MAF: variants seen among roughly 807,000 people sequenced by gnomAD.
MAF encodes the protein MAF bZIP transcription factor, also known as transcription factor Maf.
Under a neutral mutation model 22.0 loss-of-function variants are expected in MAF, and 10 were observed. That is an observed-to-expected ratio of 0.45 (90% CI 0.28 to 0.77). The LOEUF is 0.77. Among genes scored for constraint, MAF ranks in the 30% least tolerant of loss-of-function variants. The probability of loss-of-function intolerance (pLI) is 0.12; values close to 1 mark genes in which losing one functional copy is unlikely to be tolerated. For synonymous variants in MAF, 337 were observed against 255.8 expected (o/e 1.32, Z -3.03); for missense variants, 544 against 548.4 (o/e 0.99, Z 0.08).
the MAF span, among the ~76,000 whole-genome samples, chr16:79,533,557 G>C: frequency 1.3e-5 from 2 of 152,220 alleles, no homozygotes; most frequent in South Asian, 2.1e-4. Flanking sequence ...CAGGGGGAGG[G>C]GGAATGGAAA....
At chr16:79,457,247 A>T in the MAF span, among the ~76,000 whole-genome samples, 1 of 152,198 alleles carries the variant, frequency 6.6e-6, no homozygotes. Context: ...CCATAGGTTG[A>T]CATGGCTGCC....
At position 79,594,436 on chromosome 16, in the gene MAF, T is replaced by C. The variant is rs1243623246; in HGVS notation, c.*24A>G. On this transcript the variant is annotated 3_prime_UTR_variant, in exon 2 of 2. Coordinates refer to ENST00000326043, the MANE Select transcript of MAF (RefSeq NM_005360.5). ...TAATAATAATAATGATGATTTTTTT[T>C]AATGTACAGCTCTCACACAAATTTC... is the stretch of plus-strand genomic sequence containing the variant. 6.5e-7 allele frequency: 1 copy of C among 1,546,518 alleles called. No homozygotes were observed. The highest frequency in any genetic ancestry group is 8.8e-7 in the Non-Finnish European group (1 of 1,142,160).
chr16:79,459,051 C>G, the MAF span, among the ~76,000 whole-genome samples: 1 of 152,232 alleles, frequency 6.6e-6, no homozygotes, highest in African/African-American at 2.4e-5. Flanking sequence ...ATTTACTGAG[C>G]TAAGTGCTTC....
chr16:79,475,894 GT>G, the MAF span, among the ~76,000 whole-genome samples: 2 of 152,180 alleles, frequency 1.3e-5, no homozygotes, highest in Non-Finnish European at 2.9e-5. Flanking sequence ...TTTCCCTTGA[GT>G]GGGGTCAGGG....
At chr16:79,209,499 C>A in the MAF span, among the ~76,000 whole-genome samples, 1 of 152,158 alleles carries the variant, frequency 6.6e-6, no homozygotes, top group Admixed American at 6.5e-5. Context: ...AATAGTATAA[C>A]CATTGTGGCA....
At chr16:79,587,163 T>A (rs996443142) in intron 1 of MAF, among the ~76,000 whole-genome samples, 1 of 152,254 alleles carries the variant, frequency 6.6e-6, no homozygotes, top group South Asian at 2.1e-4. Context: ...CTTGTATCTG[T>A]CAAAGTTGCC....
chr16:79,598,787 G>A lies in MAF; in HGVS notation c.1116C>T (p.Phe372=), dbSNP rs770334288. Residue 372 remains phenylalanine, a splice_region_variant and synonymous_variant, in exon 1 of 2, where the codon TTC becomes TTT. Transcript: ENST00000326043. ...CTGGAATCGCGTGTCAGACTCACAT[G>A]AAAAACTCGGGAGAGGACGGGTTGT... ...SSDNPSSPEF[F]ITEPTRKLEP... is the part of the protein sequence containing the mutation. The A allele has an allele frequency of 8.1e-6, 13 of 1,613,736 alleles. No individual in the cohort carries two copies. Among genetic ancestry groups the A allele is most frequent in the Non-Finnish European group, 8.5e-7 (1 of 1,179,992 alleles).
At chr16:79,410,651 G>C in the MAF span, among the ~76,000 whole-genome samples, 3 of 152,204 alleles carry the variant, frequency 2.0e-5, no homozygotes, top group African/African-American at 7.2e-5. Context: ...CTGTGACATG[G>C]GATGAGGGCA....
At chr16:79,570,030 T>G in the MAF span, among the ~76,000 whole-genome samples, 4 of 121,096 alleles carry the variant, frequency 3.3e-5, no homozygotes, top group Admixed American at 8.5e-5. Flanking sequence ...TTTTTTTTTT[T>G]GGATCTTTCT....
At chr16:79,423,270 G>A in the MAF span, among the ~76,000 whole-genome samples, 1 of 152,140 alleles carries the variant, frequency 6.6e-6, no homozygotes, top group Non-Finnish European at 1.5e-5. Flanking sequence ...TGGTGAACCT[G>A]TTCTAGGGAG....
the MAF span, among the ~76,000 whole-genome samples, chr16:79,245,201 G>C: frequency 6.6e-6 from 1 of 151,982 alleles, no homozygotes; most frequent in African/African-American, 2.4e-5. Context: ...GGCAACAAAA[G>C]CCAAAATTGA....
At chr16:79,235,284 G>C in the MAF span, among the ~76,000 whole-genome samples, 1 of 152,056 alleles carries the variant, frequency 6.6e-6, no homozygotes, top group Non-Finnish European at 1.5e-5. Flanking sequence ...CAAAAGAGAA[G>C]TCACACATAG....
chr16:79,381,235 A>G, the MAF span, among the ~76,000 whole-genome samples: 2 of 152,248 alleles, frequency 1.3e-5, no homozygotes, highest in Non-Finnish European at 2.9e-5. Flanking sequence ...CTTCTTACCA[A>G]ACCGATATTT....
the MAF span, among the ~76,000 whole-genome samples, chr16:79,214,450 G>C: frequency 2.0e-5 from 3 of 152,230 alleles, no homozygotes; most frequent in East Asian, 1.9e-4. Context: ...CTGTCGCCCG[G>C]GCTGCAGTGC....
chr16:79,244,358 T>A, the MAF span, among the ~76,000 whole-genome samples: 2 of 152,086 alleles, frequency 1.3e-5, no homozygotes, highest in African/African-American at 4.8e-5. Context: ...GATAAGCAAC[T>A]TCAGCAAAGT....
chr16:79,329,454 C>T, the MAF span, among the ~76,000 whole-genome samples: 177 of 152,152 alleles, frequency 1.2e-3, no homozygotes, highest in African/African-American at 3.6e-3. Flanking sequence ...CTTCTGGGTC[C>T]GTGGTGGAAT....
At chr16:79,552,933 G>A in the MAF span, among the ~76,000 whole-genome samples, 1 of 152,214 alleles carries the variant, frequency 6.6e-6, no homozygotes, top group African/African-American at 2.4e-5. Context: ...CAACTTGGCG[G>A]CAATAGCAGG....
At chr16:79,507,273 C>G in the MAF span, among the ~76,000 whole-genome samples, 1 of 150,916 alleles carries the variant, frequency 6.6e-6, no homozygotes, top group East Asian at 2.0e-4. Context: ...ACCACCATGC[C>G]TGGCTAATTT....
the MAF span, among the ~76,000 whole-genome samples, chr16:79,275,521 C>T: frequency 2.0e-5 from 3 of 152,168 alleles, no homozygotes; most frequent in Non-Finnish European, 2.9e-5. Context: ...AAGTCACTTG[C>T]TCAGACTCAA....
Sources: gnomAD v4.1 joint callset for allele counts (sites outside exome capture counted in the v4.1 genomes callset) on GRCh38, gnomAD v4.1.1 for gene constraint, MANE v1.5 for transcripts, NCBI Gene and HGNC (gene_info 2026-07-23, HGNC 2026-07-21) for gene names.